Variants in NCEH1 observed in about 807,000 individuals in gnomAD.
NCEH1 encodes neutral cholesterol ester hydrolase 1.
Under a neutral mutation model 25.4 loss-of-function variants are expected in NCEH1, and 9 were observed. The observed-to-expected ratio is 0.35, with a 90% CI of 0.21 to 0.62. The LOEUF (loss-of-function observed/expected upper bound fraction) is 0.62, where lower values mean the gene tolerates loss of function less well. NCEH1 is among the 20% of genes least tolerant of loss of function. NCEH1 has a pLI of 0.72. For missense variants in NCEH1, 412 were observed against 501.1 expected (o/e 0.82, Z 1.70); for synonymous variants, 200 against 199.8 (o/e 1.00, Z -0.01).
At chr3:172,647,474 C>T (rs1449987348) in intron 2 of NCEH1, among the ~76,000 whole-genome samples, 1 of 152,154 alleles carries the variant, frequency 6.6e-6, no homozygotes, top group East Asian at 1.9e-4. Context: ...AATATATCTT[C>T]AAAACACAAG....
intron 1 of NCEH1, among the ~76,000 whole-genome samples, chr3:172,673,696 A>C (rs543149975): frequency 3.2e-4 from 49 of 152,358 alleles, no homozygotes; most frequent in African/African-American, 1.1e-3. Flanking sequence ...GAAACAGATT[A>C]GCTGATCAGG....
At chr3:172,635,620 G>T (rs1481136249) in intron 4 of NCEH1, among the ~76,000 whole-genome samples, 4 of 152,106 alleles carry the variant, frequency 2.6e-5, no homozygotes, top group Non-Finnish European at 5.9e-5. Flanking sequence ...AAGGAGCAGG[G>T]GATACTGGAG....
In NCEH1 at chr3:172,644,126, GGTGACTCTAGGGCTTTTGA is replaced by G. The variant is rs1560181433; in HGVS notation, c.437+1478_437+1496del. Among the ~76,000 whole-genome samples, 66 of 147,392 alleles carry G rather than the reference GGTGACTCTAGGGCTTTTGA, an allele frequency of 4.5e-4. 2 individuals are homozygous for G. Among genetic ancestry groups the G allele is most frequent in the Non-Finnish European group, 5.7e-4 (38 of 66,684 alleles). ...CTTTTGGGTGACTGCAGGGCTTTTG[GGTGACTCTAGGGCTTTTGA>G]GTGACTCTAGGGCTTTGGGGTGACT... On this transcript the variant is annotated intron_variant, in intron 3 of 4. Coordinates refer to ENST00000475381, the MANE Select transcript of NCEH1 (RefSeq NM_020792.6).
At chr3:172,671,775 T>C (rs1711649422) in intron 1 of NCEH1, among the ~76,000 whole-genome samples, 1 of 152,140 alleles carries the variant, frequency 6.6e-6, no homozygotes, top group Non-Finnish European at 1.5e-5. Flanking sequence ...CACATACTTG[T>C]TACATATAGT....
chr3:172,665,841 A>AGC (rs1260821154), intron 1 of NCEH1, among the ~76,000 whole-genome samples: 2 of 152,226 alleles, frequency 1.3e-5, no homozygotes, highest in Admixed American at 1.3e-4. Flanking sequence ...CCACTGGAAA[A>AGC]GCACAGTATT....
At chr3:172,702,216 A>G (rs950756457) in intron 1 of NCEH1, among the ~76,000 whole-genome samples, 1 of 152,232 alleles carries the variant, frequency 6.6e-6, no homozygotes, top group African/African-American at 2.4e-5. Flanking sequence ...CACATAAAGA[A>G]CACCTGCCTG....
rs1553830302 is a variant in NCEH1, at chr3:172,653,735, G to GTTTT, written c.139-5625_139-5622dup. 1.3e-3 allele frequency among the ~76,000 whole-genome samples: 95 copies of GTTTT among 70,994 alleles called. 4 individuals are homozygous for GTTTT. The highest frequency in any genetic ancestry group is 4.7e-3 in the African/African-American group (93 of 19,692). 46.6% of individuals were successfully genotyped at this position (70,994 alleles called of 152,430 possible). On this transcript the variant is annotated intron_variant, in intron 1 of 4. Transcript: ENST00000475381. ...TTGTTTTTGTTGTTGTTGTTGTTCTGTTTTTTTTGTTTTTTTGTTTTTTTG... is the reference window on the plus strand; with the variant it reads ...TTGTTTTTGTTGTTGTTGTTGTTCTGTTTTTTTTTTTTGTTTTTTTGTTTTTTTG...
intron 1 of NCEH1, among the ~76,000 whole-genome samples, chr3:172,649,649 T>C (rs1317063003): frequency 6.6e-6 from 1 of 152,262 alleles, no homozygotes; most frequent in African/African-American, 2.4e-5. Flanking sequence ...TGGTAAAATG[T>C]TAGTCTAATT....
At chr3:172,650,852 T>A (rs1022615332) in intron 1 of NCEH1, among the ~76,000 whole-genome samples, 16 of 148,256 alleles carry the variant, frequency 1.1e-4, no homozygotes, top group Non-Finnish European at 2.2e-4. Flanking sequence ...AATTTGTTTA[T>A]GCAGGGTAAA....
At chr3:172,662,562 C>T (rs1026024937) in intron 1 of NCEH1, among the ~76,000 whole-genome samples, 12 of 152,180 alleles carry the variant, frequency 7.9e-5, no homozygotes, top group Non-Finnish European at 1.6e-4. Flanking sequence ...CTTTGTACCT[C>T]TGGTAGAATT....
intron 1 of NCEH1, among the ~76,000 whole-genome samples, chr3:172,687,238 C>T (rs1712749816): frequency 6.6e-6 from 1 of 152,170 alleles, no homozygotes; most frequent in Admixed American, 6.5e-5. Flanking sequence ...TATTCTGACC[C>T]ATTCTTCAAG....
chr3:172,669,763 C>G (rs1711515573), intron 1 of NCEH1, among the ~76,000 whole-genome samples: 1 of 152,198 alleles, frequency 6.6e-6, no homozygotes, highest in South Asian at 2.1e-4. Flanking sequence ...TCTTGATCTC[C>G]TGACCTCACG....
At chr3:172,684,257 A>T (rs1455003834) in intron 1 of NCEH1, among the ~76,000 whole-genome samples, 1 of 152,246 alleles carries the variant, frequency 6.6e-6, no homozygotes, top group South Asian at 2.1e-4. Flanking sequence ...ACTTTTAAAA[A>T]TATACATATA....
At chr3:172,635,887 C>T (rs1343184492) in intron 4 of NCEH1, 29 bp downstream of exon 4, 3 of 1,606,986 alleles carry the variant, frequency 1.9e-6, no homozygotes, top group South Asian at 2.2e-5. Flanking sequence ...ACCGCTTAAC[C>T]CACCAGCACC....
chr3:172,659,985 CT>C (rs59222244), intron 1 of NCEH1, among the ~76,000 whole-genome samples: 2,838 of 139,944 alleles, frequency 0.02, 44 homozygotes, highest in African/African-American at 0.051. Flanking sequence ...TGAAGCATTT[CT>C]TTTTTTTTTT....
In NCEH1 at chr3:172,635,852, G is replaced by A. The variant is rs149733963; in HGVS notation, c.609+64C>T. On this transcript the variant is annotated intron_variant, in intron 4 of 4. Transcript: ENST00000475381. ...ATTTGCCACACATAATGGAGGGTGT[G>A]TTGGTCTGCTAGACCTTGTCATGCA... 14,763 of 1,484,140 alleles carry A rather than the reference G, an allele frequency of 9.9e-3. 108 individuals carry two copies. The highest frequency in any genetic ancestry group is 0.011 in the Non-Finnish European group (12,218 of 1,078,872). 91.9% of individuals were successfully genotyped at this position (1,484,140 alleles called of 1,614,324 possible). A position where few individuals can be genotyped will look rare whatever the true frequency, so the allele number is the denominator to read the frequency against.
Position 172,710,898 on chromosome 3 carries a change from G to A in NCEH1, c.87C>T (p.Asp29=). Residue 29 remains aspartate, a synonymous_variant, in exon 1 of 5, where the codon GAC becomes GAT. Transcript: ENST00000475381. ...CGTCCAGCAGCATCAGCTTCCAGGG[G>A]TCGGACACGGAGCCAGGCAGCGGGA... is the stretch of plus-strand genomic sequence containing the variant. ...VYIPLPGSVS[D]PWKLMLLDAT... The A allele has an allele frequency of 6.2e-7, 1 of 1,614,154 alleles. No individual in the cohort carries two copies. The highest frequency in any genetic ancestry group is 1.1e-5 in the South Asian group (1 of 91,084).
At chr3:172,673,348 G>A (rs569138859) in intron 1 of NCEH1, among the ~76,000 whole-genome samples, 106 of 152,218 alleles carry the variant, frequency 7.0e-4, no homozygotes, top group Admixed American at 1.5e-3. Flanking sequence ...GCTCTTAGCC[G>A]GCAAACAGCC....
At chr3:172,671,741 C>T (rs1190059137) in intron 1 of NCEH1, among the ~76,000 whole-genome samples, 3 of 151,900 alleles carry the variant, frequency 2.0e-5, no homozygotes, top group Non-Finnish European at 4.4e-5. Flanking sequence ...TGTATATATA[C>T]ATACACACAT....
Sources: allele counts gnomAD v4.1 joint callset (sites outside exome capture counted in the v4.1 genomes callset), GRCh38; gene constraint gnomAD v4.1.1; transcripts MANE v1.5; gene names NCBI Gene and HGNC (gene_info 2026-07-23, HGNC 2026-07-21).